The following SYTL5 variants were observed in gnomAD, a reference collection of about 807,000 sequenced individuals.
SYTL5 encodes the protein synaptotagmin like 5, also known as synaptotagmin-like protein 5.
Under a neutral mutation model 55.9 loss-of-function variants are expected in SYTL5, and 34 were observed. That is an observed-to-expected ratio of 0.61 (90% CI 0.46 to 0.81). SYTL5 has a LOEUF of 0.81. Among genes scored for constraint, SYTL5 ranks in the 30% least tolerant of loss-of-function variants. The pLI, the probability that SYTL5 is intolerant of heterozygous loss-of-function variation, is 0.00. For missense variants in SYTL5, 637 were observed against 546.7 expected, an observed-to-expected ratio of 1.17 and a Z score of -1.65; for synonymous variants, 221 against 188.7, an observed-to-expected ratio of 1.17 and a Z score of -1.40.
upstream of SYTL5, among the ~76,000 whole-genome samples, chrX:38,002,671 A>G (rs1406902175): frequency 8.9e-6 from 1 of 111,919 alleles, no homozygotes; most frequent in African/African-American, 3.3e-5. Context: ...TTCTTTTGAG[A>G]CGTGTCTGTT....
the SYTL5 span, among the ~76,000 whole-genome samples, chrX:38,000,732 G>C: frequency 8.9e-6 from 1 of 112,218 alleles, no homozygotes; most frequent in Non-Finnish European, 1.9e-5. Context: ...TGGGCTTGGA[G>C]AACGAGTGCG....
the SYTL5 span, among the ~76,000 whole-genome samples, chrX:37,932,744 T>C: frequency 1.4e-4 from 16 of 111,950 alleles, no homozygotes; most frequent in African/African-American, 5.2e-4. Flanking sequence ...TGAGAAGGGC[T>C]CAGCAGGACA....
intron 12 of SYTL5, 53 bp downstream of exon 12, chrX:38,108,752 T>C (rs1464561232): frequency 1.3e-6 from 1 of 792,326 alleles, no homozygotes; most frequent in Non-Finnish European, 1.9e-6. Context: ...ACAACTTCAA[T>C]GGTTTAGAAG....
chrX:38,003,786 A>C (rs982834627), upstream of SYTL5, among the ~76,000 whole-genome samples: 2 of 112,083 alleles, frequency 1.8e-5, no homozygotes, highest in Non-Finnish European at 3.8e-5. Flanking sequence ...GAGTGGTTGT[A>C]CTAATTTGTA....
chrX:37,984,043 G>A, the SYTL5 span, among the ~76,000 whole-genome samples: 1 of 111,566 alleles, frequency 9.0e-6, no homozygotes, highest in Non-Finnish European at 1.9e-5. Flanking sequence ...TAAAAGGAAA[G>A]AGGATCTCAA....
intron 12 of SYTL5, among the ~76,000 whole-genome samples, chrX:38,109,245 C>T (rs765153924): frequency 1.7e-4 from 19 of 112,020 alleles, no homozygotes; most frequent in Non-Finnish European, 3.4e-4. Flanking sequence ...GTCAATGATC[C>T]AGAAAATAGA....
intron 1 of SYTL5, among the ~76,000 whole-genome samples, chrX:38,028,267 A>G (rs1038210896): frequency 1.8e-5 from 2 of 112,266 alleles, no homozygotes; most frequent in Non-Finnish European, 1.9e-5. Context: ...AGGGGCTTTT[A>G]TTGGCTCTAC....
the SYTL5 span, among the ~76,000 whole-genome samples, chrX:37,944,044 A>T: frequency 9.0e-6 from 1 of 110,806 alleles, no homozygotes; most frequent in African/African-American, 3.3e-5. Flanking sequence ...AATTCAGTTT[A>T]CTATAAATGC....
At chrX:37,922,837 CACTT>C in the SYTL5 span, among the ~76,000 whole-genome samples, 1 of 111,462 alleles carries the variant, frequency 9.0e-6, no homozygotes, top group Non-Finnish European at 1.9e-5. Flanking sequence ...CTTGTCCCCT[CACTT>C]AGTATCACAT....
rs1366385489 is a variant in SYTL5, at chrX:38,043,690, T to TATATATATACACAC, written c.119+9683_119+9684insTATATATACACACA. Among the ~76,000 whole-genome samples the TATATATATACACAC allele has an allele frequency of 1.9e-4, 13 of 69,525 alleles. 1 individual carries two copies. The highest frequency in any genetic ancestry group is 2.2e-4 in the Non-Finnish European group (9 of 41,709). The allele number at this position is 69,525 out of a possible 115,157, so 60.4% of individuals were successfully genotyped here. ...ATATATATATATATATATATATATA[T>TATATATATACACAC]ACATATATATATACATATTTTCATA... On this transcript the variant is annotated intron_variant, in intron 2 of 16. Coordinates refer to ENST00000297875, the MANE Select transcript of SYTL5 (RefSeq NM_138780.3).
the SYTL5 span, among the ~76,000 whole-genome samples, chrX:38,000,502 G>A: frequency 2.7e-5 from 3 of 112,373 alleles, no homozygotes; most frequent in East Asian, 8.4e-4. Context: ...ATGCAGACTG[G>A]TAGGTTGTGG....
intron 7 of SYTL5, among the ~76,000 whole-genome samples, chrX:38,093,752 C>T (rs1602388877): frequency 9.1e-6 from 1 of 110,461 alleles, no homozygotes. Flanking sequence ...TTGGTAAGTA[C>T]CATGCATGAA....
Position 38,094,259 on chromosome X carries a change from A to T in SYTL5, c.832-36A>T, listed in dbSNP as rs755924470. ...ATGAATTTTATAGTAAATTACAGTC[A>T]GTATAATTTTTTTCTCATTTTTACT... is the stretch of plus-strand genomic sequence containing the variant. On this transcript the variant is annotated intron_variant, in intron 7 of 16. Transcript: ENST00000297875. 11 of 1,139,453 alleles carry T rather than the reference A, an allele frequency of 9.7e-6. No individual in the cohort carries two copies. The Admixed American group carries it at 2.5e-4, about 25-fold the overall frequency. The allele number at this position is 1,139,453 out of a possible 1,213,427, so 93.9% of individuals were successfully genotyped here.
intron 13 of SYTL5, among the ~76,000 whole-genome samples, chrX:38,116,084 G>A (rs974488764): frequency 8.9e-6 from 1 of 111,855 alleles, no homozygotes; most frequent in Non-Finnish European, 1.9e-5. Flanking sequence ...TCATGCTTAA[G>A]TCTTTAATCC....
chrX:37,896,275 T>C, the SYTL5 span, among the ~76,000 whole-genome samples: 2 of 112,127 alleles, frequency 1.8e-5, no homozygotes. Context: ...TGGAGAGTCT[T>C]TTTTTCAATA....
the SYTL5 span, among the ~76,000 whole-genome samples, chrX:37,985,044 GT>G: frequency 1.8e-5 from 2 of 111,985 alleles, no homozygotes; most frequent in Non-Finnish European, 3.8e-5. Context: ...AAGACTGAAT[GT>G]TTTTCCCCTA....
chrX:37,907,150 T>C, the SYTL5 span, among the ~76,000 whole-genome samples: 3 of 111,957 alleles, frequency 2.7e-5, no homozygotes, highest in Non-Finnish European at 3.8e-5. Context: ...GATGCAATGT[T>C]AACAAGTGGT....
At chrX:37,938,240 T>C in the SYTL5 span, among the ~76,000 whole-genome samples, 1 of 111,807 alleles carries the variant, frequency 8.9e-6, no homozygotes, top group African/African-American at 3.2e-5. Context: ...CAATCTTCCG[T>C]CATTGAAAAT....
At chrX:37,893,705 T>G in the SYTL5 span, among the ~76,000 whole-genome samples, 1 of 83,836 alleles carries the variant, frequency 1.2e-5, no homozygotes, top group African/African-American at 5.0e-5. Context: ...ATATATAATC[T>G]ATAGATAAAC....
Sources: allele counts gnomAD v4.1 joint callset (sites outside exome capture counted in the v4.1 genomes callset), GRCh38; gene constraint gnomAD v4.1.1; transcripts MANE v1.5; gene names NCBI Gene and HGNC (gene_info 2026-07-23, HGNC 2026-07-21).